The following SHC3 variants were observed in gnomAD, a reference collection of about 807,000 sequenced individuals.
The protein encoded by SHC3 is SHC-transforming protein 3.
A neutral mutation model predicts 60.4 loss-of-function variants in SHC3; 15 were observed. The observed-to-expected ratio is 0.25, with a 90% CI of 0.17 to 0.38. SHC3 has a LOEUF of 0.38. SHC3 is among the 10% of genes least tolerant of loss of function. The probability of loss-of-function intolerance (pLI) is 1.00; values close to 1 mark genes in which losing one functional copy is unlikely to be tolerated. For missense variants in SHC3, 677 were observed against 786.1 expected (o/e 0.86, Z 1.66); for synonymous variants, 294 against 325.9 (o/e 0.90, Z 1.05).
intron 2 of SHC3, among the ~76,000 whole-genome samples, chr9:89,093,315 G>A (rs1429482159): frequency 6.6e-6 from 1 of 152,102 alleles, no homozygotes; most frequent in Non-Finnish European, 1.5e-5. Context: ...TCTAGAAAAG[G>A]CAGAATAATA....
chr9:89,107,145 G>A (rs1320581615), intron 2 of SHC3, among the ~76,000 whole-genome samples: 3 of 152,182 alleles, frequency 2.0e-5, no homozygotes, highest in Non-Finnish European at 4.4e-5. Flanking sequence ...TGATGGGCTG[G>A]CTGGAGAACT....
intron 6 of SHC3, among the ~76,000 whole-genome samples, chr9:89,059,945 T>C (rs1825053920): frequency 7.3e-6 from 1 of 136,088 alleles, no homozygotes; most frequent in South Asian, 2.4e-4. Flanking sequence ...GTGGAGGACA[T>C]AGTGAAGGAC....
chr9:89,108,672 A>C (rs1253265454), intron 2 of SHC3, among the ~76,000 whole-genome samples: 1 of 152,200 alleles, frequency 6.6e-6, no homozygotes, highest in Admixed American at 6.5e-5. Context: ...CCCATGAATA[A>C]AAGTCTACAT....
intron 5 of SHC3, among the ~76,000 whole-genome samples, chr9:89,068,457 A>G (rs1342558359): frequency 1.3e-5 from 2 of 152,232 alleles, no homozygotes; most frequent in Non-Finnish European, 2.9e-5. Flanking sequence ...AAAAATGTCT[A>G]CCAATTATAA....
chr9:89,100,037 C>T (rs1369615541), intron 2 of SHC3, among the ~76,000 whole-genome samples: 3 of 152,150 alleles, frequency 2.0e-5, no homozygotes, highest in East Asian at 3.8e-4. Context: ...GTCTAAGGAG[C>T]TTCTCTGCTG....
chr9:89,078,597 G>A (rs1052569663), intron 2 of SHC3, among the ~76,000 whole-genome samples: 3 of 152,150 alleles, frequency 2.0e-5, no homozygotes, highest in African/African-American at 4.8e-5. Context: ...AGTCCAACAC[G>A]TGGTTCTGCA....
intron 2 of SHC3, among the ~76,000 whole-genome samples, chr9:89,083,545 A>G (rs947023376): frequency 6.6e-6 from 1 of 152,230 alleles, no homozygotes; most frequent in Non-Finnish European, 1.5e-5. Flanking sequence ...TGATAGAAAT[A>G]GTGTCAGTGT....
In SHC3 at chr9:89,167,117, AGGAG is replaced by A. The variant is rs979686085; in HGVS notation, c.474+10866_474+10869del. On this transcript the variant is annotated intron_variant, in intron 1 of 11. Coordinates refer to ENST00000375835, the MANE Select transcript of SHC3 (RefSeq NM_016848.6). ...CACACCCCTGCCCTGGGGGTCCAGCAGGAGGGAGGGAGGGAGGGCAATGAGGGTG... is the reference window on the plus strand; with the variant it reads ...CACACCCCTGCCCTGGGGGTCCAGCAGGAGGGAGGGAGGGCAATGAGGGTG... Among the ~76,000 whole-genome samples the A allele has an allele frequency of 1.2e-4, 17 of 144,404 alleles. 1 individual carries two copies. Among genetic ancestry groups the A allele is most frequent in the Admixed American group, 9.6e-4 (14 of 14,606 alleles). 94.7% of individuals were successfully genotyped at this position (144,404 alleles called of 152,430 possible).
chr9:89,087,014 C>T (rs932223728), intron 2 of SHC3, among the ~76,000 whole-genome samples: 3 of 152,134 alleles, frequency 2.0e-5, no homozygotes, highest in Non-Finnish European at 4.4e-5. Context: ...GATTGCACGT[C>T]CTCCTCACTA....
intron 2 of SHC3, among the ~76,000 whole-genome samples, chr9:89,087,237 A>G (rs1825545367): frequency 6.6e-6 from 1 of 152,260 alleles, no homozygotes; most frequent in Non-Finnish European, 1.5e-5. Context: ...ATCAGAAAAT[A>G]CCAGAAGTTC....
intron 1 of SHC3, among the ~76,000 whole-genome samples, chr9:89,138,212 A>G (rs1826345854): frequency 6.6e-6 from 1 of 152,238 alleles, no homozygotes; most frequent in Non-Finnish European, 1.5e-5. Context: ...TTGAATCTGC[A>G]CAAGAAAGAA....
At chr9:89,048,449 A>G (rs1411400030) in intron 7 of SHC3, among the ~76,000 whole-genome samples, 4 of 152,206 alleles carry the variant, frequency 2.6e-5, no homozygotes, top group Non-Finnish European at 5.9e-5. Flanking sequence ...TTTATATGAA[A>G]TGTCCAGAAT....
At chr9:89,035,102 G>A (rs1482706044) in intron 11 of SHC3, among the ~76,000 whole-genome samples, 1 of 152,178 alleles carries the variant, frequency 6.6e-6, no homozygotes, top group Admixed American at 6.5e-5. Context: ...CCAATAAATA[G>A]TGCGGGTTCC....
intron 11 of SHC3, among the ~76,000 whole-genome samples, chr9:89,031,220 C>A (rs187924578): frequency 2.0e-4 from 31 of 152,272 alleles, no homozygotes; most frequent in African/African-American, 5.8e-4. Context: ...TACAGAGATT[C>A]TTTTTACACA....
At chr9:89,101,318 A>T (rs910813448) in intron 2 of SHC3, among the ~76,000 whole-genome samples, 1 of 151,812 alleles carries the variant, frequency 6.6e-6, no homozygotes, top group African/African-American at 2.4e-5. Context: ...ATTTGTCAGG[A>T]TTTTCTATGT....
Position 89,006,168 on chromosome 9 carries a change from C to T in SHC3, c.*7279G>A, listed in dbSNP as rs1394934011. 6.6e-6 allele frequency: 1 copy of T among 152,204 alleles called. No individual in the cohort carries two copies. Among genetic ancestry groups the T allele is most frequent in the Non-Finnish European group, 1.5e-5 (1 of 68,048 alleles). The allele number at this position is 152,204 out of a possible 1,614,324, so 9.4% of individuals were successfully genotyped here. On this transcript the variant is annotated 3_prime_UTR_variant, in exon 12 of 12. Transcript: ENST00000375835. ...CCCCTCCTGGGTCACAGGATGACAC[C>T]TGGGGATGCGATGCCGTGCCTGCAC...
chr9:89,027,581 G>T lies in SHC3; in HGVS notation c.1656+10412C>A, dbSNP rs185363077. On this transcript the variant is annotated intron_variant, in intron 11 of 11. Coordinates refer to ENST00000375835, the MANE Select transcript of SHC3 (RefSeq NM_016848.6). ...TCCGCCCGCCTAGGCCTCCCAAAGT[G>T]CTGGGATTACAGGCATAAGCCATAA... Among the ~76,000 whole-genome samples, 11 of 87,706 alleles carry T rather than the reference G, an allele frequency of 1.3e-4. No homozygotes were observed. The Admixed American group carries it at 1.5e-3, about 12-fold the overall frequency. 57.5% of individuals were successfully genotyped at this position (87,706 alleles called of 152,430 possible). A position where few individuals can be genotyped will look rare whatever the true frequency, so the allele number is the denominator to read the frequency against.
chr9:89,172,526 CAG>C (rs1226822554), intron 1 of SHC3, among the ~76,000 whole-genome samples: 1 of 151,762 alleles, frequency 6.6e-6, no homozygotes, highest in African/African-American at 2.4e-5. Context: ...CACACAGACA[CAG>C]ACACACACAC....
chr9:89,070,329 T>A (rs1055426103), intron 5 of SHC3, among the ~76,000 whole-genome samples: 5 of 152,202 alleles, frequency 3.3e-5, no homozygotes, highest in African/African-American at 4.8e-5. Flanking sequence ...GGGTGAGCCT[T>A]CTTCCCTCTC....
Sources: gnomAD v4.1 joint callset for allele counts (sites outside exome capture counted in the v4.1 genomes callset) on GRCh38, gnomAD v4.1.1 for gene constraint, MANE v1.5 for transcripts, NCBI Gene and HGNC (gene_info 2026-07-23, HGNC 2026-07-21) for gene names.